RBFOX1: variants seen among roughly 807,000 people sequenced by gnomAD.
RBFOX1 encodes RNA binding fox-1 homolog 1.
In RBFOX1, 8 loss-of-function variants were observed where a neutral mutation model predicts 57.7. The observed-to-expected ratio is 0.14, with a 90% CI of 0.08 to 0.25. The LOEUF (loss-of-function observed/expected upper bound fraction) is 0.25. Ranked by LOEUF, RBFOX1 falls within the 10% of genes least tolerant of loss-of-function variation. The probability of loss-of-function intolerance (pLI) is 1.00; values close to 1 mark genes in which losing one functional copy is unlikely to be tolerated. For synonymous variants in RBFOX1, 326 were observed against 222.4 expected (o/e 1.47, Z -4.15); for missense variants, 611 against 548.5 (o/e 1.11, Z -1.14).
intron 2 of RBFOX1, among the ~76,000 whole-genome samples, chr16:6,478,421 ATATATATATTTTTTTTTTTT>A (rs2095314545): frequency 8.0e-5 from 1 of 12,434 alleles, no homozygotes; most frequent in African/African-American, 2.3e-4. Context: ...ATATATATAT[ATATATATATTTTTTTTTTTT>A]TTTTTTGTAT....
At chr16:6,554,807 AACAC>A (rs777174204) in intron 2 of RBFOX1, among the ~76,000 whole-genome samples, 11,067 of 151,412 alleles carry the variant, frequency 0.073, 942 homozygotes, top group African/African-American at 0.21. Flanking sequence ...CACACAGATA[AACAC>A]ACAGACACAC....
chr16:7,328,346 G>A (rs2096639478), intron 4 of RBFOX1, among the ~76,000 whole-genome samples: 1 of 151,968 alleles, frequency 6.6e-6, no homozygotes, highest in South Asian at 2.1e-4. Flanking sequence ...CAGGTGTGGT[G>A]GCGGATCCCT....
chr16:5,611,800 A>ACCCT (rs2047819948), intron 3 of RBFOX1, among the ~76,000 whole-genome samples: 1 of 34,484 alleles, frequency 2.9e-5, no homozygotes, highest in African/African-American at 1.1e-4. Context: ...CCATCCACCC[A>ACCCT]CCCACCCACC....
intron 3 of RBFOX1, among the ~76,000 whole-genome samples, chr16:5,866,121 C>T (rs1451517006): frequency 6.6e-6 from 1 of 152,152 alleles, no homozygotes. Flanking sequence ...GTGCACACCA[C>T]CATGCCCAGC....
At chr16:6,765,310 C>G (rs2077179470) in intron 3 of RBFOX1, among the ~76,000 whole-genome samples, 1 of 152,138 alleles carries the variant, frequency 6.6e-6, no homozygotes, top group African/African-American at 2.4e-5. Flanking sequence ...ACTTTGTACT[C>G]AACAAAATCC....
chr16:6,867,746 G>C (rs555387611), intron 3 of RBFOX1, among the ~76,000 whole-genome samples: 9 of 152,252 alleles, frequency 5.9e-5, no homozygotes, highest in Admixed American at 1.3e-4. Context: ...ATATTTATCA[G>C]TTAATGTGTG....
intron 3 of RBFOX1, among the ~76,000 whole-genome samples, chr16:5,712,409 G>T (rs1195960025): frequency 6.6e-6 from 1 of 152,174 alleles, no homozygotes; most frequent in Admixed American, 6.5e-5. Context: ...GGCATTACAG[G>T]CTGGCACCTG....
At chr16:6,871,805 T>C (rs1255596697) in intron 3 of RBFOX1, among the ~76,000 whole-genome samples, 1 of 152,100 alleles carries the variant, frequency 6.6e-6, no homozygotes, top group Non-Finnish European at 1.5e-5. Flanking sequence ...TCTGGAAATG[T>C]TGTCAGTGGC....
chr16:7,485,245 C>T (rs976028919), intron 4 of RBFOX1, among the ~76,000 whole-genome samples: 1 of 152,182 alleles, frequency 6.6e-6, no homozygotes, highest in Admixed American at 6.5e-5. Context: ...TATGCATGCA[C>T]ACACAGCTGC....
intron 14 of RBFOX1, among the ~76,000 whole-genome samples, chr16:7,702,501 T>G (rs748667209): frequency 1.3e-5 from 2 of 152,206 alleles, no homozygotes; most frequent in Non-Finnish European, 2.9e-5. Context: ...ATGGTTGAGT[T>G]GGAAAACATA....
chr16:7,665,058 G>A, intron 13 of RBFOX1, 90 bp downstream of exon 13: 1 of 1,611,246 alleles, frequency 6.2e-7, no homozygotes, highest in Non-Finnish European at 8.5e-7. Context: ...ACTTGGCGTA[G>A]TTGAGTTTCT....
At chr16:7,313,477 T>TC (rs1454444922) in intron 4 of RBFOX1, among the ~76,000 whole-genome samples, 5 of 150,018 alleles carry the variant, frequency 3.3e-5, no homozygotes, top group African/African-American at 1.2e-4. Context: ...TTTCTTGTCT[T>TC]TTTTTTTTTA....
chr16:5,293,642 G>C lies in RBFOX1; in HGVS notation c.219+53537G>C, dbSNP rs1477488901. Among the ~76,000 whole-genome samples the C allele has an allele frequency of 3.9e-5, 6 of 152,090 alleles. No homozygotes were observed. The East Asian group carries it at 7.7e-4, about 20-fold the overall frequency. The stretch of plus-strand genomic sequence containing the variant: ...CAACCAAATGGCCATTTTGGTGATT[G>C]CTACCTTTTGGTTATTATGTATGTT... On this transcript the variant is annotated intron_variant, in intron 1 of 2. Transcript: ENST00000585867.
chr16:5,982,488 C>G (rs2060193981), intron 4 of RBFOX1, among the ~76,000 whole-genome samples: 1 of 152,112 alleles, frequency 6.6e-6, no homozygotes, highest in Non-Finnish European at 1.5e-5. Context: ...GTTGGTCAGG[C>G]TGGTCTTGAA....
chr16:7,705,432 G>A (rs951087918), intron 14 of RBFOX1, among the ~76,000 whole-genome samples: 1 of 151,902 alleles, frequency 6.6e-6, no homozygotes, highest in Non-Finnish European at 1.5e-5. Context: ...ATGAACTTGA[G>A]GGACGGAGCT....
intron 3 of RBFOX1, among the ~76,000 whole-genome samples, chr16:6,979,409 A>G (rs1568196692): frequency 6.6e-6 from 1 of 152,190 alleles, no homozygotes; most frequent in Non-Finnish European, 1.5e-5. Context: ...GACCCACTAA[A>G]TTAAAGTTGA....
intron 1 of RBFOX1, among the ~76,000 whole-genome samples, chr16:6,291,810 G>C (rs191604631): frequency 9.1e-4 from 138 of 152,224 alleles, no homozygotes; most frequent in African/African-American, 3.0e-3. Context: ...TTCTTAGAAA[G>C]GTATTAGACC....
chr16:7,391,499 G>A (rs571632274), intron 4 of RBFOX1, among the ~76,000 whole-genome samples: 1 of 152,310 alleles, frequency 6.6e-6, no homozygotes, highest in East Asian at 1.9e-4. Context: ...ACACCCATGT[G>A]TGCTTTTGGA....
chr16:6,529,293 T>C (rs1185761325), intron 2 of RBFOX1, among the ~76,000 whole-genome samples: 1 of 152,162 alleles, frequency 6.6e-6, no homozygotes, highest in Admixed American at 6.5e-5. Context: ...CCAGGCACGG[T>C]GGCTCATGCC....
Sources: allele counts gnomAD v4.1 joint callset (sites outside exome capture counted in the v4.1 genomes callset), GRCh38; gene constraint gnomAD v4.1.1; transcripts MANE v1.5; gene names NCBI Gene and HGNC (gene_info 2026-07-23, HGNC 2026-07-21).